FREM3: variants seen among roughly 807,000 people sequenced by gnomAD.
The protein encoded by FREM3 is FRAS1 related extracellular matrix 3, also known as FRAS1-related extracellular matrix protein 3.
A neutral mutation model predicts 129.1 loss-of-function variants in FREM3; 105 were observed. That is an observed-to-expected ratio of 0.81 (90% CI 0.69 to 0.96). FREM3 has a LOEUF of 0.96. Among genes scored for constraint, FREM3 ranks in the 40% least tolerant of loss-of-function variants. The pLI, the probability that FREM3 is intolerant of heterozygous loss-of-function variation, is 0.00. For synonymous variants in FREM3, 1,014 were observed against 1,044.9 expected (o/e 0.97, Z 0.57); for missense variants, 2,593 against 2,666.3 (o/e 0.97, Z 0.61).
intron 2 of FREM3, among the ~76,000 whole-genome samples, chr4:143,670,890 T>G (rs563370589): frequency 1.1e-4 from 16 of 152,196 alleles, no homozygotes; most frequent in Middle Eastern, 3.4e-3. Flanking sequence ...TAAATTATAA[T>G]GAAAAAATAA....
chr4:143,636,858 G>A (rs528064124), intron 2 of FREM3, among the ~76,000 whole-genome samples: 30 of 152,166 alleles, frequency 2.0e-4, no homozygotes, highest in African/African-American at 6.7e-4. Context: ...TGATAAAGTG[G>A]CAGCCACTGT....
intron 5 of FREM3, among the ~76,000 whole-genome samples, chr4:143,619,863 G>A (rs950406778): frequency 6.6e-6 from 1 of 151,926 alleles, no homozygotes; most frequent in African/African-American, 2.4e-5. Context: ...ACAATGTTGT[G>A]GGGGTATTAT....
At chr4:143,658,112 G>A (rs1739633513) in intron 2 of FREM3, among the ~76,000 whole-genome samples, 1 of 152,146 alleles carries the variant, frequency 6.6e-6, no homozygotes, top group Non-Finnish European at 1.5e-5. Context: ...GGTCTTCATA[G>A]TGCAAACAAA....
At chr4:143,590,633 A>G (rs1285354791) in intron 6 of FREM3, among the ~76,000 whole-genome samples, 1 of 152,156 alleles carries the variant, frequency 6.6e-6, no homozygotes, top group Non-Finnish European at 1.5e-5. Context: ...TGCTGGATTC[A>G]ATTTGCCAGT....
In FREM3 at chr4:143,664,046, C is replaced by T. The variant is rs193143045; in HGVS notation, c.5275+29067G>A. Among the ~76,000 whole-genome samples, 1,043 of 152,156 alleles carry T rather than the reference C, an allele frequency of 6.9e-3. 9 individuals carry two copies. Among genetic ancestry groups the T allele is most frequent in the Non-Finnish European group, 0.011 (763 of 67,986 alleles). On this transcript the variant is annotated intron_variant, in intron 2 of 7. Transcript: ENST00000329798. ...TCCGTTTGAATTTCCTCCTGTAGTT[C>T]GGAGTAGTTTGATCGTCTGAAGTCT...
At chr4:143,658,412 T>C (rs1281796543) in intron 2 of FREM3, among the ~76,000 whole-genome samples, 3 of 152,182 alleles carry the variant, frequency 2.0e-5, no homozygotes, top group African/African-American at 7.2e-5. Context: ...TAGTGCCAAC[T>C]GGGAAGTCTG....
intron 2 of FREM3, among the ~76,000 whole-genome samples, chr4:143,630,287 T>C (rs1739114365): frequency 6.6e-6 from 1 of 152,182 alleles, no homozygotes; most frequent in East Asian, 1.9e-4. Flanking sequence ...ATAAGATTAA[T>C]TTACACTAGG....
At chr4:143,634,770 C>T (rs76997372) in intron 2 of FREM3, among the ~76,000 whole-genome samples, 14,664 of 152,096 alleles carry the variant, frequency 0.096, 922 homozygotes, top group Non-Finnish European at 0.15. Context: ...GGGTCAGTTA[C>T]AGGCTCCCTG....
At chr4:143,610,793 G>C (rs1048510304) in intron 6 of FREM3, among the ~76,000 whole-genome samples, 8 of 152,142 alleles carry the variant, frequency 5.3e-5, no homozygotes, top group African/African-American at 1.9e-4. Flanking sequence ...CTAAATTTCA[G>C]CTGGGCTCCC....
At chr4:143,665,758 A>G (rs1409260643) in intron 2 of FREM3, among the ~76,000 whole-genome samples, 1 of 152,150 alleles carries the variant, frequency 6.6e-6, no homozygotes, top group Non-Finnish European at 1.5e-5. Context: ...GCCTTTTCAG[A>G]ACTCCAGTAG....
chr4:143,655,869 A>C (rs1348516388), intron 2 of FREM3, among the ~76,000 whole-genome samples: 1 of 152,166 alleles, frequency 6.6e-6, no homozygotes, highest in African/African-American at 2.4e-5. Context: ...TTTTGTATTC[A>C]GTTTTATCAG....
chr4:143,624,059 G>T, intron 4 of FREM3, 49 bp downstream of exon 4: 2 of 1,085,136 alleles, frequency 1.8e-6, no homozygotes, highest in Non-Finnish European at 2.7e-6. Flanking sequence ...TGGAAATGGA[G>T]CCAAGAACCT....
At position 143,695,643 on chromosome 4, in the gene FREM3, T is replaced by C; in HGVS notation, c.5033A>G (p.His1678Arg). The change falls in exon 1 of 8, where the codon CAC becomes CGC. Residue 1678 changes from histidine (H) to arginine (R), a missense_variant. His to Arg is a conservative substitution (Grantham distance 29, BLOSUM62 0). Transcript: ENST00000329798. Reference protein sequence around the residue: ...APALKRLHTGHMGFLITSKSL... With the variant: ...APALKRLHTGRMGFLITSKSL... ...CTTGCTGGTAATCAGGAAGCCCATG[T>C]GTCCAGTGTGAAGGCGCTTCAAGGC... is the stretch of plus-strand genomic sequence containing the variant. The C allele has an allele frequency of 1.3e-6, 2 of 1,537,306 alleles. No homozygotes were observed. The highest frequency in any genetic ancestry group is 1.7e-6 in the Non-Finnish European group (2 of 1,146,928).
chr4:143,659,588 T>C (rs1339472018), intron 2 of FREM3, among the ~76,000 whole-genome samples: 1 of 143,594 alleles, frequency 7.0e-6, no homozygotes, highest in Non-Finnish European at 1.5e-5. Flanking sequence ...TTCCTTTGGG[T>C]ATATACCCAG....
At chr4:143,641,762 A>G (rs756383585) in intron 2 of FREM3, among the ~76,000 whole-genome samples, 1 of 152,208 alleles carries the variant, frequency 6.6e-6, no homozygotes, top group Non-Finnish European at 1.5e-5. Context: ...AAAAGCTTCC[A>G]CTTAACTTAC....
At chr4:143,589,762 T>A (rs1032617505) in intron 6 of FREM3, among the ~76,000 whole-genome samples, 12 of 152,198 alleles carry the variant, frequency 7.9e-5, no homozygotes, top group Non-Finnish European at 1.6e-4. Flanking sequence ...AAGTAGTTTT[T>A]TCGAATTCTG....
At chr4:143,678,063 T>C (rs2149858298) in intron 2 of FREM3, among the ~76,000 whole-genome samples, 1 of 152,290 alleles carries the variant, frequency 6.6e-6, no homozygotes, top group South Asian at 2.1e-4. Context: ...GGAATATAAA[T>C]CATGCTGCTA....
At chr4:143,611,630 A>G (rs1738756953) in intron 5 of FREM3, 103 bp from the exon 6 acceptor site, 1 of 1,032,990 alleles carries the variant, frequency 9.7e-7, no homozygotes, top group South Asian at 1.6e-5. Context: ...TAGCTATCTG[A>G]ATGATACAAC....
chr4:143,588,329 G>C lies in FREM3; in HGVS notation c.6029-2336C>G, dbSNP rs79640278. 7.5e-3 allele frequency among the ~76,000 whole-genome samples: 1,145 copies of C among 151,942 alleles called. 13 individuals carry two copies. Among genetic ancestry groups the C allele is most frequent in the African/African-American group, 0.026 (1,084 of 41,392 alleles). On this transcript the variant is annotated intron_variant, in intron 6 of 7. Transcript: ENST00000329798. The stretch of plus-strand genomic sequence containing the variant: ...ACATATGTATACATGTGCCATGTTG[G>C]TACGCTGTACCCATTAACTCATCAT...
Sources: gnomAD v4.1 joint callset for allele counts (sites outside exome capture counted in the v4.1 genomes callset) on GRCh38, gnomAD v4.1.1 for gene constraint, MANE v1.5 for transcripts, NCBI Gene and HGNC (gene_info 2026-07-23, HGNC 2026-07-21) for gene names.